Variants in PCDHGB3 observed in about 807,000 individuals in gnomAD.
PCDHGB3 encodes protocadherin gamma subfamily B, 3.
Under a neutral mutation model 59.2 loss-of-function variants are expected in PCDHGB3, and 40 were observed. The ratio of observed to expected loss-of-function variants is 0.68; its 90% CI spans 0.52 to 0.88. The LOEUF is 0.88. Among genes scored for constraint, PCDHGB3 ranks in the 40% least tolerant of loss-of-function variants. PCDHGB3 has a pLI of 0.00. For synonymous variants in PCDHGB3, 581 were observed against 503.6 expected (o/e 1.15, Z -2.06); for missense variants, 1,309 against 1,187.9 (o/e 1.10, Z -1.50).
In PCDHGB3 at chr5:141,431,141, G is replaced by A. The variant is rs1262504427; in HGVS notation, c.2415+58332G>A. 24 of 1,614,212 alleles carry A rather than the reference G, an allele frequency of 1.5e-5. No individual in the cohort carries two copies. The highest frequency in any genetic ancestry group is 2.0e-5 in the Non-Finnish European group (24 of 1,180,030). On this transcript the variant is annotated intron_variant, in intron 1 of 3. Coordinates refer to ENST00000576222, the MANE Select transcript of PCDHGB3 (RefSeq NM_018924.5). The surrounding 1 kb of genome is among the most constrained non-coding windows in gnomAD (Gnocchi z 4.8). ...AGAAGTAGAAGTAAGGGACATTAAC[G>A]ACAATGCGCCTTACTTTCGTGAAAG...
Position 141,476,447 on chromosome 5 carries a change from G to A in PCDHGB3, c.2416-18360G>A. 2 of 1,614,130 alleles carry A rather than the reference G, an allele frequency of 1.2e-6. No homozygotes were observed. The highest frequency in any genetic ancestry group is 1.7e-6 in the Non-Finnish European group (2 of 1,180,026). On this transcript the variant is annotated intron_variant, in intron 1 of 3. Transcript: ENST00000576222. This position sits in a 1 kb window ranked among gnomAD's most constrained non-coding sequence, Gnocchi z 7.6. ...CTCTTGCACTGTAACTCTGGAGTTGGTAGTGGAGAACCCGCTGGAGCTGTT... is the reference window on the plus strand; with the variant it reads ...CTCTTGCACTGTAACTCTGGAGTTGATAGTGGAGAACCCGCTGGAGCTGTT...
Position 141,477,540 on chromosome 5 carries a change from C to T in PCDHGB3, c.2416-17267C>T, listed in dbSNP as rs777796922. On this transcript the variant is annotated intron_variant, in intron 1 of 3. Coordinates refer to ENST00000576222, the MANE Select transcript of PCDHGB3 (RefSeq NM_018924.5). The surrounding 1 kb of genome is among the most constrained non-coding windows in gnomAD (Gnocchi z 4.9). Reference sequence around the variant, plus strand: ...GAAGAAAACAACCTCCCCGGGGCTCCAATACTAAACCTAAGTGTCTGGGAC... The same window carrying T: ...GAAGAAAACAACCTCCCCGGGGCTCTAATACTAAACCTAAGTGTCTGGGAC... The T allele has an allele frequency of 6.8e-6, 11 of 1,614,036 alleles. 1 individual carries two copies. Among genetic ancestry groups the T allele is most frequent in the African/African-American group, 2.7e-5 (2 of 74,920 alleles).
intron 1 of PCDHGB3, chr5:141,399,076 G>A (rs767415619): frequency 1.2e-6 from 2 of 1,613,850 alleles, no homozygotes; most frequent in Non-Finnish European, 1.7e-6. Flanking sequence ...GGTTGTAGAA[G>A]GGAGGGATGG....
chr5:141,451,001 A>T (rs909477017), intron 1 of PCDHGB3, among the ~76,000 whole-genome samples: 2 of 148,266 alleles, frequency 1.3e-5, no homozygotes, highest in Middle Eastern at 3.4e-3. Context: ...ATTTTTTTGT[A>T]TTTTTTTTAG....
chr5:141,384,766 A>G, intron 1 of PCDHGB3: 2 of 1,613,916 alleles, frequency 1.2e-6, no homozygotes, highest in Non-Finnish European at 1.7e-6. Flanking sequence ...TGGGCTGTAC[A>G]CGGGCGAGGT....
At chr5:141,466,993 T>G (rs2099133598) in intron 1 of PCDHGB3, among the ~76,000 whole-genome samples, 1 of 152,148 alleles carries the variant, frequency 6.6e-6, no homozygotes, top group African/African-American at 2.4e-5. Context: ...CCTTTTGGCA[T>G]TTTTTTGCAA....
rs770093591 is a variant in PCDHGB3 at position 141,486,147 on chromosome 5, G to T, written c.2416-8660G>T. ...GAATTTGATGTGCGGGCTCGCGATG[G>T]GGGTTCTCCAGCCATGGAGCAACAT... On this transcript the variant is annotated intron_variant, in intron 1 of 3. Transcript: ENST00000576222. This position sits in a 1 kb window ranked among gnomAD's most constrained non-coding sequence, Gnocchi z 5.0. The T allele has an allele frequency of 6.2e-7, 1 of 1,614,168 alleles. No individual in the cohort carries two copies. The highest frequency in any genetic ancestry group is 1.7e-5 in the Admixed American group (1 of 60,028).
At chr5:141,403,776 G>A (rs1312851147) in intron 1 of PCDHGB3, 1 of 1,613,926 alleles carries the variant, frequency 6.2e-7, no homozygotes, top group East Asian at 2.2e-5. Flanking sequence ...GGAATCAACG[G>A]AAAAGTGGCA....
intron 1 of PCDHGB3, chr5:141,414,606 A>C: frequency 6.2e-7 from 1 of 1,613,944 alleles, no homozygotes; most frequent in Non-Finnish European, 8.5e-7. Flanking sequence ...CCATCTTCTC[A>C]GTGACAGCGC....
At position 141,393,088 on chromosome 5, in the gene PCDHGB3, G is replaced by T. The variant is rs760420305; in HGVS notation, c.2415+20279G>T. ...TTGATCACCGCGGGCAGGATAGATCGGGAGGAGCTCTGCGCTCAGAGCCCG... is the reference window on the plus strand; with the variant it reads ...TTGATCACCGCGGGCAGGATAGATCTGGAGGAGCTCTGCGCTCAGAGCCCG... On this transcript the variant is annotated intron_variant, in intron 1 of 3. Transcript: ENST00000576222. 3.7e-6 allele frequency: 6 copies of T among 1,613,530 alleles called. No homozygotes were observed. In the East Asian group the frequency reaches 1.3e-4, roughly 36 times the overall value.
At chr5:141,415,122 C>G (rs552568826) in intron 1 of PCDHGB3, 1 of 1,613,668 alleles carries the variant, frequency 6.2e-7, no homozygotes, top group Non-Finnish European at 8.5e-7. Context: ...TCGTAGTGGC[C>G]GTCCAGGACC....
At chr5:141,452,161 A>G (rs559274240) in intron 1 of PCDHGB3, among the ~76,000 whole-genome samples, 1 of 152,204 alleles carries the variant, frequency 6.6e-6, no homozygotes, top group South Asian at 2.1e-4. Context: ...GTTATATTCT[A>G]TTACTAACAT....
chr5:141,420,269 A>C, intron 1 of PCDHGB3: 1 of 1,544,558 alleles, frequency 6.5e-7, no homozygotes, highest in Non-Finnish European at 8.8e-7. Flanking sequence ...GAAGATTCTT[A>C]AACAGGTAAG....
rs376978832 is a variant in PCDHGB3, at chr5:141,395,250, C to T, written c.2415+22441C>T. On this transcript the variant is annotated intron_variant, in intron 1 of 3. Transcript: ENST00000576222. ...TGATCATGGTCAGGTGAGTTTAGTT[C>T]TTTGCTTGCTTTTAATTTCCAGATG... 1.1e-5 allele frequency: 17 copies of T among 1,558,200 alleles called. No individual in the cohort carries two copies. In the African/African-American group the frequency reaches 2.3e-4, roughly 21 times the overall value.
chr5:141,413,833 G>A (rs917295013), intron 1 of PCDHGB3: 1 of 1,613,276 alleles, frequency 6.2e-7, no homozygotes, highest in Non-Finnish European at 8.5e-7. Context: ...CACCGCCTCC[G>A]ACGGGGGTGA....
At chr5:141,419,151 C>A in intron 1 of PCDHGB3, 1 of 1,613,918 alleles carries the variant, frequency 6.2e-7, no homozygotes. Context: ...GGCAAGCCTC[C>A]GTTATCCTCC....
intron 1 of PCDHGB3, among the ~76,000 whole-genome samples, chr5:141,465,785 T>G (rs564238782): frequency 6.6e-6 from 1 of 152,262 alleles, no homozygotes; most frequent in South Asian, 2.1e-4. Flanking sequence ...TACAGTTTTT[T>G]TTTTTTTAAG....
chr5:141,467,055 C>CTT (rs1193465269), intron 1 of PCDHGB3, among the ~76,000 whole-genome samples: 5 of 134,496 alleles, frequency 3.7e-5, no homozygotes, highest in African/African-American at 5.4e-5. Context: ...TCAATGTTTT[C>CTT]TTTTTTTTTT....
chr5:141,370,924 A>C lies in PCDHGB3; in HGVS notation c.530A>C (p.His177Pro). Residue 177 changes from histidine to proline, a missense_variant, in exon 1 of 4, where the codon CAC (histidine) becomes CCC (proline). His to Pro is a moderately conservative substitution (Grantham distance 77). Coordinates refer to ENST00000576222, the MANE Select transcript of PCDHGB3 (RefSeq NM_018924.5). ...CAGTACTACCTCAGCCCTGATCCGCACTTCTCTTTGATTCAGAAGGAGAAC... is the reference window on the plus strand; with the variant it reads ...CAGTACTACCTCAGCCCTGATCCGCCCTTCTCTTTGATTCAGAAGGAGAAC... ...LQQYYLSPDP[H>P]FSLIQKENLD... is the part of the protein sequence containing the mutation. 6.2e-7 allele frequency: 1 copy of C among 1,613,968 alleles called. No individual in the cohort carries two copies. The highest frequency in any genetic ancestry group is 8.5e-7 in the Non-Finnish European group (1 of 1,179,870).
Sources: allele counts gnomAD v4.1 joint callset (sites outside exome capture counted in the v4.1 genomes callset), GRCh38; gene constraint gnomAD v4.1.1; non-coding constraint Gnocchi (gnomAD v3.1); transcripts MANE v1.5; gene names NCBI Gene and HGNC (gene_info 2026-07-23, HGNC 2026-07-21).